The following EVI5 variants were observed in gnomAD, a reference collection of about 807,000 sequenced individuals.
EVI5 encodes ecotropic viral integration site 5.
Under a neutral mutation model 112.0 loss-of-function variants are expected in EVI5, and 73 were observed. That is an observed-to-expected ratio of 0.65 (90% CI 0.54 to 0.79). The LOEUF (loss-of-function observed/expected upper bound fraction) is 0.79. EVI5 is among the 30% of genes least tolerant of loss of function. The probability of loss-of-function intolerance (pLI) is 0.00; values close to 1 mark genes in which losing one functional copy is unlikely to be tolerated. For synonymous variants in EVI5, 305 were observed against 319.9 expected (o/e 0.95, Z 0.50); for missense variants, 900 against 968.8 (o/e 0.93, Z 0.94).
At chr1:92,723,869 A>G (rs1675137400) in intron 2 of EVI5, among the ~76,000 whole-genome samples, 1 of 152,174 alleles carries the variant, frequency 6.6e-6, no homozygotes. Flanking sequence ...GGGTAGGTCT[A>G]TGAACGGCTG....
chr1:92,583,038 G>A (rs959504397), intron 18 of EVI5, among the ~76,000 whole-genome samples: 1 of 151,918 alleles, frequency 6.6e-6, no homozygotes, highest in African/African-American at 2.4e-5. Flanking sequence ...ACTCACAAAT[G>A]CTTTTTAATA....
chr1:92,714,107 T>C (rs1673251900), intron 2 of EVI5: 9 of 978,860 alleles, frequency 9.2e-6, no homozygotes, highest in Non-Finnish European at 8.5e-6. Context: ...TTTAAAGCTA[T>C]CAATTATTAA....
intron 9 of EVI5, among the ~76,000 whole-genome samples, chr1:92,683,691 A>T (rs976983479): frequency 2.6e-5 from 4 of 152,224 alleles, no homozygotes; most frequent in Non-Finnish European, 5.9e-5. Flanking sequence ...TAACTAGAAT[A>T]AACACTATAG....
Position 92,508,714 on chromosome 1 carries a change from C to T in EVI5, c.*4942G>A, listed in dbSNP as rs200709714. 2 of 152,514 alleles carry T rather than the reference C, an allele frequency of 1.3e-5. No homozygotes were observed. The highest frequency in any genetic ancestry group is 4.8e-5 in the African/African-American group (2 of 41,426). The allele number at this position is 152,514 out of a possible 1,614,324, so 9.4% of individuals were successfully genotyped here. A position where few individuals can be genotyped will look rare whatever the true frequency, so the allele number is the denominator to read the frequency against. On this transcript the variant is annotated 3_prime_UTR_variant, in exon 20 of 20. Transcript: ENST00000684568. The stretch of plus-strand genomic sequence containing the variant: ...ACAGAAATTCTTATAAAATGGAAAA[C>T]TTTAATTGTTTAAAGAAAAGGCACA...
At chr1:92,640,359 T>C (rs536191191) in intron 13 of EVI5, among the ~76,000 whole-genome samples, 36 of 152,258 alleles carry the variant, frequency 2.4e-4, no homozygotes, top group African/African-American at 7.9e-4. Flanking sequence ...AATCTACCCA[T>C]CTGACAAAGG....
At chr1:92,741,708 A>C (rs1007591891) in intron 1 of EVI5, among the ~76,000 whole-genome samples, 1 of 152,182 alleles carries the variant, frequency 6.6e-6, no homozygotes, top group Admixed American at 6.5e-5. Context: ...AGGACTTTTC[A>C]CATTATTTCA....
chr1:92,622,341 C>A (rs12116450), intron 16 of EVI5: 1 of 446,332 alleles, frequency 2.2e-6, no homozygotes, highest in Non-Finnish European at 4.5e-6. Context: ...AGGTTCCAGA[C>A]TGCCAACAGT....
rs561991391 is a variant in EVI5 at position 92,766,859 on chromosome 1, A to G, written c.-82+17977T>C. ...CACTTTGGGAGGCCAAAGCAGGCGGATCACTTGAGGTCAGGAGTTTGAGAA... is the reference window on the plus strand; with the variant it reads ...CACTTTGGGAGGCCAAAGCAGGCGGGTCACTTGAGGTCAGGAGTTTGAGAA... On this transcript the variant is annotated intron_variant, in intron 1 of 19. Transcript: ENST00000684568. Among the ~76,000 whole-genome samples the G allele has an allele frequency of 2.0e-4, 31 of 152,302 alleles. No individual in the cohort carries two copies. The East Asian group carries it at 5.8e-3, about 28-fold the overall frequency.
intron 1 of EVI5, among the ~76,000 whole-genome samples, chr1:92,767,082 C>CAA (rs35316799): frequency 0.25 from 28,570 of 112,836 alleles, 3,955 homozygotes; most frequent in Middle Eastern, 0.3. Context: ...GACTCCCTCT[C>CAA]AAAAAAAAAA....
At chr1:92,763,590 G>A (rs1270912411) in intron 1 of EVI5, among the ~76,000 whole-genome samples, 2 of 151,928 alleles carry the variant, frequency 1.3e-5, no homozygotes, top group African/African-American at 4.8e-5. Context: ...ACTCTGGCCT[G>A]GGTGAAAGAA....
intron 9 of EVI5, among the ~76,000 whole-genome samples, chr1:92,682,644 A>G (rs1248782336): frequency 6.6e-6 from 1 of 152,170 alleles, no homozygotes; most frequent in African/African-American, 2.4e-5. Context: ...ATGCGCCTCT[A>G]GTCCCAGCTA....
At chr1:92,561,571 C>T (rs1668553775) in intron 19 of EVI5, among the ~76,000 whole-genome samples, 1 of 149,128 alleles carries the variant, frequency 6.7e-6, no homozygotes, top group East Asian at 2.0e-4. Flanking sequence ...ATCTATCTAT[C>T]TATCTATCTA....
intron 18 of EVI5, among the ~76,000 whole-genome samples, chr1:92,568,273 G>C (rs1669790942): frequency 6.6e-6 from 1 of 151,380 alleles, no homozygotes. Flanking sequence ...CTACCAGGGA[G>C]GGTAAGGCGG....
intron 1 of EVI5, among the ~76,000 whole-genome samples, chr1:92,751,033 C>T (rs932094117): frequency 3.3e-5 from 5 of 152,076 alleles, no homozygotes; most frequent in African/African-American, 9.7e-5. Flanking sequence ...ACCTGTAGTC[C>T]CAGCTACTCA....
Position 92,703,598 on chromosome 1 carries a change from G to A in EVI5, c.361C>T (p.Pro121Ser). 6.3e-7 allele frequency: 1 copy of A among 1,578,308 alleles called. No individual in the cohort carries two copies. Among genetic ancestry groups the A allele is most frequent in the Non-Finnish European group, 8.6e-7 (1 of 1,163,984 alleles). The change falls in exon 4 of 20, where the codon CCC becomes TCC. Residue 121 changes from proline to serine, a missense_variant. By Grantham distance (74) the Pro-to-Ser change is moderately conservative (BLOSUM62 -1). Coordinates refer to ENST00000684568, the MANE Select transcript of EVI5 (RefSeq NM_001350197.2). ...QVKELVHKGIPHHFRAIVWQL... is the reference protein window; with the variant it reads ...QVKELVHKGISHHFRAIVWQL... Reference sequence around the variant, plus strand: ...CAAACTATTGCTCTAAAGTGATGGGGTATCCCTTTATGAACAAGTTCCTAA... The same window carrying A: ...CAAACTATTGCTCTAAAGTGATGGGATATCCCTTTATGAACAAGTTCCTAA...
chr1:92,742,410 T>A (rs998761562), intron 1 of EVI5, among the ~76,000 whole-genome samples: 9 of 152,056 alleles, frequency 5.9e-5, no homozygotes, highest in Non-Finnish European at 1.3e-4. Context: ...TGGTAGCTCA[T>A]GCCTGTAATC....
At chr1:92,727,023 C>A (rs936557798) in intron 2 of EVI5, among the ~76,000 whole-genome samples, 1 of 152,002 alleles carries the variant, frequency 6.6e-6, no homozygotes, top group Non-Finnish European at 1.5e-5. Context: ...TTAAATATAA[C>A]AATATTAATA....
intron 18 of EVI5, among the ~76,000 whole-genome samples, chr1:92,602,404 AT>A (rs201962583): frequency 0.026 from 3,938 of 151,854 alleles, 131 homozygotes; most frequent in African/African-American, 0.074. Context: ...TATTAAAAAA[AT>A]TTTTTTTTGA....
intron 9 of EVI5, among the ~76,000 whole-genome samples, chr1:92,684,608 A>G (rs1668187530): frequency 6.6e-6 from 1 of 152,190 alleles, no homozygotes; most frequent in Non-Finnish European, 1.5e-5. Context: ...ACAGACTGGC[A>G]AATTAGATAA....
Sources: allele counts gnomAD v4.1 joint callset (sites outside exome capture counted in the v4.1 genomes callset), GRCh38; gene constraint gnomAD v4.1.1; transcripts MANE v1.5; gene names NCBI Gene and HGNC (gene_info 2026-07-23, HGNC 2026-07-21).